Variants in KLF8 observed in about 807,000 individuals in gnomAD.
The protein encoded by KLF8 is Krueppel-like factor 8.
KLF8 carries 10 observed loss-of-function variants against 18.2 expected under a neutral mutation model. The observed-to-expected ratio is 0.55, with a 90% CI of 0.34 to 0.93. KLF8 has a LOEUF of 0.93. Ranked by LOEUF, KLF8 falls within the 40% of genes least tolerant of loss-of-function variation. The pLI, the probability that KLF8 is intolerant of heterozygous loss-of-function variation, is 0.02. For missense variants in KLF8, 264 were observed against 277.9 expected, an observed-to-expected ratio of 0.95 and a Z score of 0.36; for synonymous variants, 109 against 97.3, an observed-to-expected ratio of 1.12 and a Z score of -0.71.
chrX:56,082,823 T>C, the KLF8 span, among the ~76,000 whole-genome samples: 36 of 111,814 alleles, frequency 3.2e-4, no homozygotes, highest in Admixed American at 3.0e-3. Context: ...GGTTGGCAGT[T>C]TTCTTTTTTC....
At chrX:56,202,559 T>TCCCCCCCCCCCCCCCCCCCCCCCC in the KLF8 span, among the ~76,000 whole-genome samples, 1 of 75,806 alleles carries the variant, frequency 1.3e-5, no homozygotes, top group Non-Finnish European at 2.6e-5. Context: ...CCATTAACCT[T>TCCCCCCCCCCCCCCCCCCCCCCCC]CCCCCCCCCT....
the KLF8 span, among the ~76,000 whole-genome samples, chrX:56,038,613 A>G: frequency 1.8e-5 from 2 of 112,563 alleles, no homozygotes; most frequent in Non-Finnish European, 3.7e-5. Flanking sequence ...TATCCAGTCT[A>G]TCATTAATGG....
the KLF8 span, among the ~76,000 whole-genome samples, chrX:56,057,671 G>C: frequency 9.0e-6 from 1 of 111,235 alleles, no homozygotes; most frequent in Admixed American, 9.6e-5. Context: ...AGGAAATTAA[G>C]GGGTGCTCAT....
At chrX:56,173,103 A>G in the KLF8 span, among the ~76,000 whole-genome samples, 6 of 111,687 alleles carry the variant, frequency 5.4e-5, no homozygotes, top group African/African-American at 2.0e-4. Context: ...CTTGAGTTTA[A>G]TTAGATCCCA....
chrX:56,102,813 G>A, the KLF8 span, among the ~76,000 whole-genome samples: 10 of 109,823 alleles, frequency 9.1e-5, no homozygotes, highest in African/African-American at 3.3e-4. Flanking sequence ...CAGGCTTGTT[G>A]CATATGTATA....
the KLF8 span, among the ~76,000 whole-genome samples, chrX:56,200,300 T>G: frequency 7.6e-4 from 83 of 109,547 alleles, no homozygotes; most frequent in African/African-American, 2.5e-3. Flanking sequence ...ACTTAAGAAT[T>G]AAAAAAAGGT....
At chrX:56,269,017 C>T in intron 3 of KLF8, 1 of 896,474 alleles carries the variant, frequency 1.1e-6, no homozygotes, top group Non-Finnish European at 1.4e-6. Flanking sequence ...CACACACACA[C>T]ACACACACAC....
At chrX:55,921,498 C>T in the KLF8 span, among the ~76,000 whole-genome samples, 1 of 111,175 alleles carries the variant, frequency 9.0e-6, no homozygotes, top group African/African-American at 3.3e-5. Context: ...GTTCTAAAAC[C>T]CAAAATTATA....
At chrX:56,147,327 G>T in the KLF8 span, among the ~76,000 whole-genome samples, 1 of 111,818 alleles carries the variant, frequency 8.9e-6, no homozygotes, top group Non-Finnish European at 1.9e-5. Flanking sequence ...TTCTGGGAAA[G>T]ATTGATTTGA....
chrX:56,093,933 GT>G, the KLF8 span, among the ~76,000 whole-genome samples: 5 of 103,111 alleles, frequency 4.8e-5, no homozygotes, highest in South Asian at 4.0e-4. Flanking sequence ...GTGTGTGTGT[GT>G]GTGTGTGTGT....
chrX:56,049,974 C>T, the KLF8 span, among the ~76,000 whole-genome samples: 1 of 111,019 alleles, frequency 9.0e-6, no homozygotes, highest in Admixed American at 9.6e-5. Flanking sequence ...AGAGATTCAA[C>T]TTCTTCCTGG....
rs1288840986 is a variant in KLF8 at position 56,232,508 on chromosome X, A to AG, written c.-825dup. 9.0e-6 allele frequency: 1 copy of AG among 111,279 alleles called. No individual in the cohort carries two copies. Among genetic ancestry groups the AG allele is most frequent in the Non-Finnish European group, 1.9e-5 (1 of 52,986 alleles). 9.2% of individuals were successfully genotyped at this position (111,279 alleles called of 1,213,427 possible). On this transcript the variant is annotated 5_prime_UTR_variant, in exon 1 of 6. Transcript: ENST00000468660. Reference sequence around the variant, plus strand: ...ACTCAGGTTGCCCAGAGAGCACTTTAGGTTCTGACTCGCGTGGGGCGCGAG... The same window carrying AG: ...ACTCAGGTTGCCCAGAGAGCACTTTAGGGTTCTGACTCGCGTGGGGCGCGAG...
chrX:55,938,668 G>A, the KLF8 span, among the ~76,000 whole-genome samples: 1 of 110,708 alleles, frequency 9.0e-6, no homozygotes, highest in Non-Finnish European at 1.9e-5. Flanking sequence ...CAAAATAAAG[G>A]GATGGAGGAA....
rs1335066298 is a variant in KLF8, at chrX:56,290,137, T to C, written c.*5643T>C. On this transcript the variant is annotated 3_prime_UTR_variant, in exon 6 of 6. Coordinates refer to ENST00000468660, the MANE Select transcript of KLF8 (RefSeq NM_007250.5). ...AACAGTGATGCTACCCTGAGTTACC[T>C]CTCTTCTGTATTTTCCCAGATCTCA... Among the ~76,000 whole-genome samples, 1 of 111,708 alleles carries C rather than the reference T, an allele frequency of 9.0e-6. No homozygotes were observed. Among genetic ancestry groups the C allele is most frequent in the East Asian group, 2.8e-4 (1 of 3,552 alleles).
At chrX:56,009,349 C>A in the KLF8 span, among the ~76,000 whole-genome samples, 5 of 111,061 alleles carry the variant, frequency 4.5e-5, no homozygotes, top group African/African-American at 1.6e-4. Context: ...CTTCAGCAGG[C>A]CTGTGGAAGA....
At chrX:56,141,833 G>C in the KLF8 span, among the ~76,000 whole-genome samples, 1 of 111,744 alleles carries the variant, frequency 8.9e-6, no homozygotes, top group East Asian at 2.8e-4. Flanking sequence ...ATGACCAAAG[G>C]TCTCACTTGA....
chrX:56,264,061 A>G (rs1274559089), intron 2 of KLF8, among the ~76,000 whole-genome samples: 1 of 111,893 alleles, frequency 8.9e-6, no homozygotes, highest in African/African-American at 3.2e-5. Flanking sequence ...GCTGATAGAT[A>G]ATGGAAGCTT....
chrX:56,026,136 G>T, the KLF8 span, among the ~76,000 whole-genome samples: 1 of 112,040 alleles, frequency 8.9e-6, no homozygotes, highest in Admixed American at 9.4e-5. Context: ...GTGGCTGCAG[G>T]CTTTATGCTG....
At chrX:56,026,119 G>A in the KLF8 span, among the ~76,000 whole-genome samples, 1 of 112,144 alleles carries the variant, frequency 8.9e-6, no homozygotes, top group Non-Finnish European at 1.9e-5. Context: ...TGGCCTCCTA[G>A]GTTTCAGTGG....
Sources: allele counts gnomAD v4.1 joint callset (sites outside exome capture counted in the v4.1 genomes callset), GRCh38; gene constraint gnomAD v4.1.1; transcripts MANE v1.5; gene names NCBI Gene and HGNC (gene_info 2026-07-23, HGNC 2026-07-21).